Variants in STPG2 observed in about 807,000 individuals in gnomAD.
STPG2 encodes sperm-tail PG-rich repeat-containing protein 2.
A neutral mutation model predicts 54.2 loss-of-function variants in STPG2; 56 were observed. That is an observed-to-expected ratio of 1.03 (90% confidence interval 0.83 to 1.29). The LOEUF is 1.29. Ranked by LOEUF, STPG2 falls within the 50% of genes most tolerant of loss-of-function variation. STPG2 has a pLI of 0.00. For synonymous variants in STPG2, 200 were observed against 181.8 expected, an observed-to-expected ratio of 1.10 and a Z score of -0.81; for missense variants, 596 against 544.9, an observed-to-expected ratio of 1.09 and a Z score of -0.93.
chr4:98,101,377 A>G (rs1339062970), intron 5 of STPG2, among the ~76,000 whole-genome samples: 1 of 152,182 alleles, frequency 6.6e-6, no homozygotes, highest in Admixed American at 6.5e-5. Flanking sequence ...GGGAGTTGGA[A>G]GAAAAGCAAA....
intron 4 of STPG2, among the ~76,000 whole-genome samples, chr4:97,502,585 C>A (rs534324622): frequency 4.6e-5 from 7 of 150,972 alleles, no homozygotes; most frequent in Non-Finnish European, 7.4e-5. Context: ...AAAGATGATT[C>A]AAATATCAAG....
At chr4:97,449,681 A>T (rs1383062576) in intron 4 of STPG2, among the ~76,000 whole-genome samples, 2 of 152,188 alleles carry the variant, frequency 1.3e-5, no homozygotes, top group Non-Finnish European at 2.9e-5. Context: ...AATAGGATAG[A>T]TTAAAAAGTT....
intron 4 of STPG2, among the ~76,000 whole-genome samples, chr4:97,458,291 A>G (rs996602088): frequency 6.6e-6 from 1 of 152,204 alleles, no homozygotes; most frequent in Non-Finnish European, 1.5e-5. Context: ...CTATGGATGC[A>G]AAATTGGTTT....
intron 3 of STPG2, among the ~76,000 whole-genome samples, chr4:98,128,019 A>G (rs566628685): frequency 1.1e-4 from 16 of 152,300 alleles, no homozygotes; most frequent in Admixed American, 3.9e-4. Context: ...TACACAGACT[A>G]TATTTCCCAT....
intron 9 of STPG2, among the ~76,000 whole-genome samples, chr4:97,827,981 C>A (rs966192194): frequency 3.3e-5 from 5 of 152,008 alleles, no homozygotes; most frequent in African/African-American, 9.7e-5. Flanking sequence ...AAACCCATGA[C>A]CAGACTTGGC....
intron 5 of STPG2, among the ~76,000 whole-genome samples, chr4:98,072,570 T>TAATAAAATAAAATAAAATAAAATAA (rs10646385): frequency 3.3e-4 from 48 of 144,996 alleles, no homozygotes; most frequent in African/African-American, 1.3e-3. Flanking sequence ...GAAGGGAAAA[T>TAATAAAATAAAATAAAATAAAATAA]AATAAAATAA....
At chr4:98,135,548 G>A (rs1025149645) in intron 1 of STPG2, among the ~76,000 whole-genome samples, 15 of 151,766 alleles carry the variant, frequency 9.9e-5, no homozygotes, top group African/African-American at 3.6e-4. Flanking sequence ...AGAAAGAAGA[G>A]AAGTTCTCAT....
chr4:97,478,631 TTTAG>T (rs1366158047), intron 4 of STPG2, among the ~76,000 whole-genome samples: 6 of 152,058 alleles, frequency 3.9e-5, no homozygotes, highest in African/African-American at 7.2e-5. Flanking sequence ...TTTGTACTCA[TTTAG>T]TTATAGTTTA....
At position 97,966,959 on chromosome 4, in the gene STPG2, C is replaced by A. The variant is rs80206713; in HGVS notation, c.933+5321G>T. Among the ~76,000 whole-genome samples the A allele has an allele frequency of 2.8e-4, 43 of 152,136 alleles. No homozygotes were observed. In the East Asian group the frequency reaches 4.8e-3, roughly 17 times the overall value. The stretch of plus-strand genomic sequence containing the variant: ...GGAAGAAACAGCATCAACTAATGGG[C>A]AAAATAACCAGCTAACATCATAATG... On this transcript the variant is annotated intron_variant, in intron 7 of 10. Coordinates refer to ENST00000295268, the MANE Select transcript of STPG2 (RefSeq NM_174952.3).
At chr4:98,028,029 T>G (rs1052820697) in intron 5 of STPG2, among the ~76,000 whole-genome samples, 2 of 152,186 alleles carry the variant, frequency 1.3e-5, no homozygotes, top group African/African-American at 4.8e-5. Flanking sequence ...AATGCAGGTC[T>G]ATTTTTGGCC....
intron 10 of STPG2, among the ~76,000 whole-genome samples, chr4:97,676,830 C>A (rs1722866204): frequency 6.6e-6 from 1 of 152,138 alleles, no homozygotes; most frequent in Non-Finnish European, 1.5e-5. Flanking sequence ...TGCACTGCCA[C>A]AAGGTTCTTG....
intron 7 of STPG2, among the ~76,000 whole-genome samples, chr4:97,950,696 T>C (rs1381860508): frequency 6.6e-6 from 1 of 152,220 alleles, no homozygotes; most frequent in Admixed American, 6.5e-5. Context: ...TCATCTTTCT[T>C]CTGACCTCCA....
At chr4:97,995,938 T>C (rs1301504691) in intron 5 of STPG2, among the ~76,000 whole-genome samples, 4 of 152,046 alleles carry the variant, frequency 2.6e-5, no homozygotes, top group Non-Finnish European at 4.4e-5. Context: ...AAATCAGAGA[T>C]GACACAAACA....
intron 10 of STPG2, among the ~76,000 whole-genome samples, chr4:97,603,086 C>T (rs1223276744): frequency 6.6e-6 from 1 of 151,306 alleles, no homozygotes; most frequent in Non-Finnish European, 1.5e-5. Flanking sequence ...AGTTTGTGTC[C>T]AGAATATATA....
intron 5 of STPG2, among the ~76,000 whole-genome samples, chr4:98,013,863 T>A (rs1159534985): frequency 6.6e-6 from 1 of 152,088 alleles, no homozygotes; most frequent in Non-Finnish European, 1.5e-5. Context: ...TCTCTTTTCT[T>A]CTTTATTAAT....
chr4:98,034,671 A>T (rs1473647091), intron 5 of STPG2, among the ~76,000 whole-genome samples: 2 of 152,242 alleles, frequency 1.3e-5, no homozygotes, highest in Non-Finnish European at 2.9e-5. Context: ...ACAAAGCTGG[A>T]GGCATCACGC....
intron 9 of STPG2, among the ~76,000 whole-genome samples, chr4:97,765,803 C>A (rs1420480211): frequency 1.3e-5 from 2 of 152,102 alleles, no homozygotes; most frequent in African/African-American, 4.8e-5. Context: ...GTTGAAGGAA[C>A]TGGGATGTTC....
intron 4 of STPG2, among the ~76,000 whole-genome samples, chr4:97,509,947 C>T (rs1314194418): frequency 6.6e-6 from 1 of 151,902 alleles, no homozygotes; most frequent in East Asian, 1.9e-4. Flanking sequence ...ACTAAGCACC[C>T]CCACCAACCC....
At chr4:97,928,230 G>A (rs1027175726) in intron 8 of STPG2, among the ~76,000 whole-genome samples, 1 of 152,146 alleles carries the variant, frequency 6.6e-6, no homozygotes, top group African/African-American at 2.4e-5. Context: ...TCATCTGGTA[G>A]GGCAAATGCC....
Sources: allele counts gnomAD v4.1 joint callset (sites outside exome capture counted in the v4.1 genomes callset), GRCh38; gene constraint gnomAD v4.1.1; transcripts MANE v1.5; gene names NCBI Gene and HGNC (gene_info 2026-07-23, HGNC 2026-07-21).